Variants in GABBR2 observed in about 807,000 individuals in gnomAD.
The protein encoded by GABBR2 is G-protein coupled receptor 51.
A neutral mutation model predicts 105.6 loss-of-function variants in GABBR2; 23 were observed. The ratio of observed to expected loss-of-function variants is 0.22; its 90% CI spans 0.16 to 0.31. GABBR2 has a LOEUF of 0.31. Among genes scored for constraint, GABBR2 ranks in the 10% least tolerant of loss-of-function variants. GABBR2 has a pLI of 1.00. For synonymous variants in GABBR2, 478 were observed against 499.7 expected, an observed-to-expected ratio of 0.96 and a Z score of 0.58; for missense variants, 734 against 1,245.5, an observed-to-expected ratio of 0.59 and a Z score of 6.18.
At chr9:98,554,515 C>T (rs1828551595) in intron 2 of GABBR2, among the ~76,000 whole-genome samples, 1 of 151,192 alleles carries the variant, frequency 6.6e-6, no homozygotes, top group South Asian at 2.1e-4. Flanking sequence ...TAAAAACATT[C>T]TTCATCCTGG....
intron 1 of GABBR2, among the ~76,000 whole-genome samples, chr9:98,703,752 C>G (rs189553025): frequency 6.6e-6 from 1 of 151,738 alleles, no homozygotes; most frequent in African/African-American, 2.4e-5. Context: ...CTCAGCACCC[C>G]CAAAATGCTG....
chr9:98,638,834 C>T (rs1829917431), intron 1 of GABBR2, among the ~76,000 whole-genome samples: 1 of 152,108 alleles, frequency 6.6e-6, no homozygotes, highest in Non-Finnish European at 1.5e-5. Context: ...GAAGGTCTTC[C>T]GAACTCAGAT....
intron 6 of GABBR2, among the ~76,000 whole-genome samples, chr9:98,458,039 T>C (rs1823475471): frequency 6.6e-6 from 1 of 152,186 alleles, no homozygotes; most frequent in Non-Finnish European, 1.5e-5. Context: ...AAGGCATTTG[T>C]TGGAACTTGG....
chr9:98,462,029 C>T (rs892927256), intron 6 of GABBR2, among the ~76,000 whole-genome samples: 2 of 152,194 alleles, frequency 1.3e-5, no homozygotes, highest in African/African-American at 2.4e-5. Flanking sequence ...TTGGGAATTA[C>T]ATTTTGACAT....
intron 13 of GABBR2, among the ~76,000 whole-genome samples, chr9:98,335,286 T>C (rs1448905092): frequency 1.3e-5 from 2 of 152,226 alleles, no homozygotes; most frequent in Non-Finnish European, 2.9e-5. Flanking sequence ...TCTGAGTCTG[T>C]AATTCTTTTG....
At chr9:98,441,810 TTATTTTATACA>T (rs1190542065) in intron 7 of GABBR2, among the ~76,000 whole-genome samples, 9 of 152,228 alleles carry the variant, frequency 5.9e-5, no homozygotes, top group Non-Finnish European at 1.0e-4. Context: ...ACAGTAAACA[TTATTTTATACA>T]TATTTTATCA....
intron 1 of GABBR2, among the ~76,000 whole-genome samples, chr9:98,584,421 C>T (rs1303129293): frequency 6.6e-6 from 1 of 152,134 alleles, no homozygotes; most frequent in Non-Finnish European, 1.5e-5. Context: ...AGCTCATGGT[C>T]ACCACCTCAC....
chr9:98,698,609 C>T (rs563923338), intron 1 of GABBR2, among the ~76,000 whole-genome samples: 1 of 151,824 alleles, frequency 6.6e-6, no homozygotes, highest in East Asian at 1.9e-4. Context: ...AAGCGATTTT[C>T]CTGCCTCAGC....
intron 1 of GABBR2, among the ~76,000 whole-genome samples, chr9:98,667,184 C>T (rs1014904041): frequency 6.6e-5 from 10 of 152,154 alleles, no homozygotes; most frequent in African/African-American, 2.4e-4. Context: ...TGATGGGTCT[C>T]AGCTGTTTCC....
In GABBR2 at chr9:98,500,615, G is replaced by A. The variant is rs139891893; in HGVS notation, c.631-4101C>T. Among the ~76,000 whole-genome samples, 1,142 of 152,368 alleles carry A rather than the reference G, an allele frequency of 7.5e-3. 9 individuals are homozygous for A. The highest frequency in any genetic ancestry group is 0.012 in the Non-Finnish European group (849 of 68,034). ...ACCTGGCCAAGGAACAAATCCACAAGGAGCCGAAGACATTCGGCATGGAGA... is the reference window on the plus strand; with the variant it reads ...ACCTGGCCAAGGAACAAATCCACAAAGAGCCGAAGACATTCGGCATGGAGA... On this transcript the variant is annotated intron_variant, in intron 3 of 18. Transcript: ENST00000259455.
Position 98,299,498 on chromosome 9 carries a change from TGAG to T in GABBR2, c.2413-148_2413-146del, listed in dbSNP as rs1357309181. On this transcript the variant is annotated intron_variant, in intron 16 of 18. Transcript: ENST00000259455. ...AATCAGAGGGGTTACTGCATTTTGG[TGAG>T]GAGATGCAGAAGGATCCTGGCGGCT... The T allele has an allele frequency of 2.8e-5, 23 of 813,586 alleles. 1 individual carries two copies. In the East Asian group the frequency reaches 5.4e-4, roughly 19 times the overall value. The allele number at this position is 813,586 out of a possible 1,614,324, so 50.4% of individuals were successfully genotyped here. A position where few individuals can be genotyped will look rare whatever the true frequency, so the allele number is the denominator to read the frequency against.
chr9:98,641,089 T>A (rs568714024), intron 1 of GABBR2, among the ~76,000 whole-genome samples: 4 of 151,942 alleles, frequency 2.6e-5, no homozygotes, highest in Non-Finnish European at 5.9e-5. Context: ...CAGAGTCTGA[T>A]TCCAGAGGTC....
chr9:98,403,092 G>A lies in GABBR2; in HGVS notation c.1297+2989C>T, dbSNP rs1588142796. 2.6e-5 allele frequency among the ~76,000 whole-genome samples: 4 copies of A among 151,936 alleles called. No homozygotes were observed. In the South Asian group the frequency reaches 8.3e-4, roughly 32 times the overall value. ...GGGCAGACTGCGAGGTCAGGAGTTC[G>A]AGACCAGCCTGGCCAATATGGTGAA... On this transcript the variant is annotated intron_variant, in intron 8 of 18. Transcript: ENST00000259455.
At chr9:98,487,613 A>AAT (rs113902571) in intron 4 of GABBR2, among the ~76,000 whole-genome samples, 44,296 of 149,180 alleles carry the variant, frequency 0.3, 6,654 homozygotes, top group South Asian at 0.43. Context: ...TGTCTCTACA[A>AAT]ATATATATAT....
chr9:98,378,862 G>T (rs1421448303), intron 11 of GABBR2, among the ~76,000 whole-genome samples: 1 of 152,218 alleles, frequency 6.6e-6, no homozygotes, highest in African/African-American at 2.4e-5. Flanking sequence ...AATTCACTGA[G>T]TGCCACACTT....
intron 3 of GABBR2, among the ~76,000 whole-genome samples, chr9:98,499,380 C>T (rs1827352971): frequency 6.6e-6 from 1 of 152,234 alleles, no homozygotes; most frequent in Non-Finnish European, 1.5e-5. Context: ...CCAGTCCTGG[C>T]TGGCTCTTCT....
chr9:98,452,133 A>G (rs991944237), intron 7 of GABBR2, among the ~76,000 whole-genome samples: 1 of 151,956 alleles, frequency 6.6e-6, no homozygotes, highest in African/African-American at 2.4e-5. Flanking sequence ...CATTATCCAC[A>G]CCTTCGGCAC....
chr9:98,354,828 A>G (rs1350077590), intron 13 of GABBR2, among the ~76,000 whole-genome samples: 1 of 152,228 alleles, frequency 6.6e-6, no homozygotes, highest in East Asian at 1.9e-4. Context: ...TCACTGAAAC[A>G]GCACTTTTAA....
At chr9:98,653,677 C>A (rs1290480801) in intron 1 of GABBR2, among the ~76,000 whole-genome samples, 2 of 151,986 alleles carry the variant, frequency 1.3e-5, no homozygotes, top group Non-Finnish European at 2.9e-5. Context: ...GTTAGCACAG[C>A]CTCTTCTTTA....
Sources: gnomAD v4.1 joint callset for allele counts (sites outside exome capture counted in the v4.1 genomes callset) on GRCh38, gnomAD v4.1.1 for gene constraint, MANE v1.5 for transcripts, NCBI Gene and HGNC (gene_info 2026-07-23, HGNC 2026-07-21) for gene names.